TRPM3: variants seen among roughly 807,000 people sequenced by gnomAD.
TRPM3 encodes the protein long transient receptor potential channel 3.
In TRPM3, 77 loss-of-function variants were observed where a neutral mutation model predicts 181.2. The ratio of observed to expected loss-of-function variants is 0.42; its 90% CI spans 0.35 to 0.51. TRPM3 has a LOEUF of 0.51. Ranked by LOEUF, TRPM3 falls within the 20% of genes least tolerant of loss-of-function variation. The pLI is 0.01. For missense variants in TRPM3, 1,759 were observed against 2,196.7 expected (o/e 0.80, Z 3.98); for synonymous variants, 745 against 796.4 (o/e 0.94, Z 1.09).
chr9:70,655,712 T>C (rs1275281366), intron 9 of TRPM3, among the ~76,000 whole-genome samples: 1 of 152,222 alleles, frequency 6.6e-6, no homozygotes, highest in Non-Finnish European at 1.5e-5. Flanking sequence ...TTTCTCTTTG[T>C]ACCTTATGAC....
chr9:71,176,993 G>C (rs2077135650), intron 1 of TRPM3, among the ~76,000 whole-genome samples: 1 of 152,094 alleles, frequency 6.6e-6, no homozygotes, highest in South Asian at 2.1e-4. Flanking sequence ...TGGCATGCAA[G>C]AGAGCGAAGC....
chr9:70,821,025 T>C (rs2093121004), intron 6 of TRPM3, among the ~76,000 whole-genome samples: 1 of 152,196 alleles, frequency 6.6e-6, no homozygotes, highest in South Asian at 2.1e-4. Flanking sequence ...AGTTTTTGGC[T>C]AGCTGAAAGT....
intron 1 of TRPM3, among the ~76,000 whole-genome samples, chr9:71,140,922 C>G (rs7848316): frequency 6.6e-6 from 1 of 152,146 alleles, no homozygotes; most frequent in Non-Finnish European, 1.5e-5. Context: ...TTTAAAGGAG[C>G]ATTCCTGAGC....
chr9:70,843,056 C>T lies in TRPM3; in HGVS notation c.748G>A (p.Gly250Ser). ...SKSRGKICTI[G>S]IAPWGIVENQ... is the part of the protein sequence containing the mutation. ...TCCACAATTCCCCAGGGGGCAATACCTATGGTGCATATCTTTCCTCGAGAC... is the reference window on the plus strand; with the variant it reads ...TCCACAATTCCCCAGGGGGCAATACTTATGGTGCATATCTTTCCTCGAGAC... The change falls in exon 5 of 26, where the codon GGT (glycine) becomes AGT (serine). Residue 250 changes from glycine to serine, a missense_variant. Physicochemically the swap from Gly to Ser is moderately conservative, Grantham distance 56. Coordinates refer to ENST00000677713, the MANE Select transcript of TRPM3 (RefSeq NM_001366145.2). The T allele has an allele frequency of 1.2e-6, 2 of 1,613,656 alleles. No homozygotes were observed. The highest frequency in any genetic ancestry group is 1.7e-6 in the Non-Finnish European group (2 of 1,179,842).
At chr9:71,081,856 C>A (rs969316715) in intron 1 of TRPM3, among the ~76,000 whole-genome samples, 30 of 152,164 alleles carry the variant, frequency 2.0e-4, no homozygotes, top group African/African-American at 7.0e-4. Flanking sequence ...GTCTTACATT[C>A]TGGCTTTTTC....
At chr9:70,822,969 A>G (rs776912281) in intron 6 of TRPM3, among the ~76,000 whole-genome samples, 2 of 152,018 alleles carry the variant, frequency 1.3e-5, no homozygotes, top group Non-Finnish European at 2.9e-5. Context: ...GTCCCTGACA[A>G]TCTACCCCAA....
intron 1 of TRPM3, among the ~76,000 whole-genome samples, chr9:71,277,516 ACAAAT>A (rs1201424647): frequency 6.6e-6 from 1 of 152,222 alleles, no homozygotes; most frequent in East Asian, 1.9e-4. Flanking sequence ...AATCAATGTG[ACAAAT>A]CAAAGGAGTC....
chr9:70,652,762 C>T (rs914317301), intron 9 of TRPM3, among the ~76,000 whole-genome samples: 1 of 152,154 alleles, frequency 6.6e-6, no homozygotes, highest in Non-Finnish European at 1.5e-5. Context: ...AAGGTCAACA[C>T]TGTCAAAGTG....
At chr9:71,371,228 A>C (rs1460364501) in intron 1 of TRPM3, among the ~76,000 whole-genome samples, 1 of 152,152 alleles carries the variant, frequency 6.6e-6, no homozygotes, top group African/African-American at 2.4e-5. Context: ...TCACTTTCAA[A>C]TCTTATTATT....
intron 1 of TRPM3, among the ~76,000 whole-genome samples, chr9:71,305,591 A>C (rs1252728475): frequency 1.3e-5 from 2 of 152,190 alleles, no homozygotes; most frequent in Non-Finnish European, 2.9e-5. Context: ...TTTGATACAA[A>C]ATGTTTTGTT....
intron 1 of TRPM3, among the ~76,000 whole-genome samples, chr9:71,086,117 T>C (rs2065215668): frequency 6.6e-6 from 1 of 152,024 alleles, no homozygotes; most frequent in Non-Finnish European, 1.5e-5. Flanking sequence ...AAATACTGCA[T>C]GTTCTCACTC....
intron 1 of TRPM3, among the ~76,000 whole-genome samples, chr9:70,957,635 C>T (rs917668411): frequency 6.6e-6 from 1 of 152,142 alleles, no homozygotes; most frequent in African/African-American, 2.4e-5. Flanking sequence ...AATACTCATT[C>T]CTCTGTTTTT....
chr9:71,088,459 C>A (rs913685862), intron 1 of TRPM3, among the ~76,000 whole-genome samples: 1 of 152,050 alleles, frequency 6.6e-6, no homozygotes, highest in African/African-American at 2.4e-5. Context: ...TGGGAACCAA[C>A]ATAATCTTTA....
At chr9:70,820,686 G>A (rs547371699) in intron 6 of TRPM3, among the ~76,000 whole-genome samples, 1 of 152,114 alleles carries the variant, frequency 6.6e-6, no homozygotes, top group African/African-American at 2.4e-5. Context: ...TTTTTGAACT[G>A]CCACATGACA....
chr9:71,179,568 T>C (rs1051712651), intron 1 of TRPM3, among the ~76,000 whole-genome samples: 1 of 152,158 alleles, frequency 6.6e-6, no homozygotes, highest in Non-Finnish European at 1.5e-5. Context: ...CTGAACAAAT[T>C]AGATTTTGAG....
intron 1 of TRPM3, among the ~76,000 whole-genome samples, chr9:71,293,632 G>C (rs2086012300): frequency 6.6e-6 from 1 of 151,212 alleles, no homozygotes; most frequent in African/African-American, 2.4e-5. Context: ...ATATTGTAAA[G>C]GTATCAATCT....
At position 70,656,213 on chromosome 9, in the gene TRPM3, T is replaced by C. The variant is rs115747912; in HGVS notation, c.1346-15553A>G. ...TTATACTAATTCCTGCCAAGTACTA[T>C]AAAGTGTCAACATTTGGCATAGGGG... On this transcript the variant is annotated intron_variant, in intron 9 of 25. Coordinates refer to ENST00000677713, the MANE Select transcript of TRPM3 (RefSeq NM_001366145.2). Among the ~76,000 whole-genome samples, 757 of 152,336 alleles carry C rather than the reference T, an allele frequency of 5.0e-3. 9 individuals are homozygous for C. Among genetic ancestry groups the C allele is most frequent in the African/African-American group, 0.017 (716 of 41,576 alleles).
chr9:71,314,017 T>A (rs1377374130), intron 1 of TRPM3, among the ~76,000 whole-genome samples: 2 of 152,174 alleles, frequency 1.3e-5, no homozygotes, highest in Admixed American at 6.6e-5. Context: ...TTCCATGTCA[T>A]TATAAATTCT....
intron 1 of TRPM3, among the ~76,000 whole-genome samples, chr9:71,320,108 T>C (rs1336768543): frequency 6.6e-6 from 1 of 151,456 alleles, no homozygotes; most frequent in Admixed American, 6.6e-5. Context: ...ACCACAGCCA[T>C]CCCAGAATAT....
Sources: gnomAD v4.1 joint callset for allele counts (sites outside exome capture counted in the v4.1 genomes callset) on GRCh38, gnomAD v4.1.1 for gene constraint, MANE v1.5 for transcripts, NCBI Gene and HGNC (gene_info 2026-07-23, HGNC 2026-07-21) for gene names.